The following DNAH10 variants were observed in gnomAD, a reference collection of about 807,000 sequenced individuals.
DNAH10 encodes the protein dynein axonemal heavy chain 10.
DNAH10 carries 348 observed loss-of-function variants against 506.6 expected under a neutral mutation model. That is an observed-to-expected ratio of 0.69 (90% CI 0.63 to 0.75). DNAH10 has a LOEUF of 0.75. DNAH10 is among the 30% of genes least tolerant of loss of function. The probability of loss-of-function intolerance (pLI) is 0.00; values close to 1 mark genes in which losing one functional copy is unlikely to be tolerated. For synonymous variants in DNAH10, 2,059 were observed against 2,198.6 expected (o/e 0.94, Z 1.78); for missense variants, 5,179 against 5,787.1 (o/e 0.89, Z 3.41).
In DNAH10 at chr12:123,813,346, A is replaced by G. The variant is rs933175800; in HGVS notation, c.3327A>G (p.Gln1109=). 4.3e-6 allele frequency: 7 copies of G among 1,614,146 alleles called. No homozygotes were observed. The highest frequency in any genetic ancestry group is 2.7e-5 in the African/African-American group (2 of 74,954). ...RILINLMKYL[Q]KWKRYRPLWK... Reference sequence around the variant, plus strand: ...TGATCAATCTTATGAAGTATCTACAAAAATGGAAGCGGTATCGACCTCTCT... The same window carrying G: ...TGATCAATCTTATGAAGTATCTACAGAAATGGAAGCGGTATCGACCTCTCT... The change falls in exon 20 of 79, where the codon CAA becomes CAG. Residue 1109 remains glutamine, a synonymous_variant. Transcript: ENST00000673944.
intron 34 of DNAH10, among the ~76,000 whole-genome samples, chr12:123,849,280 C>G (rs7961179): frequency 0.53 from 81,168 of 152,028 alleles, 22,272 homozygotes; most frequent in Non-Finnish European, 0.59. Flanking sequence ...TGCCTTCATA[C>G]CTTGTGAAGT....
intron 19 of DNAH10, among the ~76,000 whole-genome samples, chr12:123,811,728 C>A (rs1184465405): frequency 6.6e-6 from 1 of 152,116 alleles, no homozygotes; most frequent in Non-Finnish European, 1.5e-5. Context: ...TGGTCTCAAT[C>A]TCCTGACCTT....
chr12:123,786,011 T>C (rs1210788498), intron 9 of DNAH10, 75 bp downstream of exon 9: 7 of 1,428,776 alleles, frequency 4.9e-6, no homozygotes, highest in Non-Finnish European at 5.7e-6. Context: ...AACAGCTCTA[T>C]TGAGCTATAA....
At chr12:123,852,510 G>T (rs1951213763) in intron 35 of DNAH10, among the ~76,000 whole-genome samples, 1 of 151,996 alleles carries the variant, frequency 6.6e-6, no homozygotes, top group South Asian at 2.1e-4. Flanking sequence ...TTGCCTTAGA[G>T]ACCTGTGGGT....
intron 39 of DNAH10, among the ~76,000 whole-genome samples, chr12:123,862,027 G>A (rs1951631719): frequency 6.6e-6 from 1 of 152,184 alleles, no homozygotes; most frequent in South Asian, 2.1e-4. Context: ...GTCTCGGTTT[G>A]GGTTTGTCCG....
At position 123,785,728 on chromosome 12, in the gene DNAH10, C is replaced by T; in HGVS notation, c.1231-18C>T. 1 of 1,553,606 alleles carries T rather than the reference C, an allele frequency of 6.4e-7. No individual in the cohort carries two copies. Among genetic ancestry groups the T allele is most frequent in the Non-Finnish European group, 8.8e-7 (1 of 1,139,644 alleles). Reference sequence around the variant, plus strand: ...CAAGGCTAAGGGCTCTTGCGTGGCTCTCTCCTCTCTTGGTCAGAACATAAC... The same window carrying T: ...CAAGGCTAAGGGCTCTTGCGTGGCTTTCTCCTCTCTTGGTCAGAACATAAC... On this transcript the variant is annotated intron_variant, in intron 8 of 78. Transcript: ENST00000673944. This position sits in a 1 kb window ranked among gnomAD's most constrained non-coding sequence, Gnocchi z 4.1.
chr12:123,791,493 A>G (rs1594035708), intron 11 of DNAH10, among the ~76,000 whole-genome samples: 2 of 152,200 alleles, frequency 1.3e-5, no homozygotes, highest in African/African-American at 4.8e-5. Flanking sequence ...AGACATTGCC[A>G]TGTTAACTAT....
Position 123,913,018 on chromosome 12 carries a change from T to C in DNAH10, c.10135-80T>C, listed in dbSNP as rs897557273. 3.0e-6 allele frequency: 4 copies of C among 1,340,844 alleles called. No homozygotes were observed. Among genetic ancestry groups the C allele is most frequent in the African/African-American group, 1.5e-5 (1 of 68,362 alleles). The allele number at this position is 1,340,844 out of a possible 1,614,324, so 83.1% of individuals were successfully genotyped here. ...AGACACCATTAGAGCAGTTTAGACA[T>C]GTGGCCTGGTTTGAGGCCATGGGAT... is the stretch of plus-strand genomic sequence containing the variant. On this transcript the variant is annotated intron_variant, in intron 59 of 78. Coordinates refer to ENST00000673944, the MANE Select transcript of DNAH10 (RefSeq NM_001372106.1). This position sits in a 1 kb window ranked among gnomAD's most constrained non-coding sequence, Gnocchi z 5.1.
chr12:123,929,927 A>G (rs1955129977), intron 72 of DNAH10, 168 bp downstream of exon 72: 3 of 654,322 alleles, frequency 4.6e-6, no homozygotes, highest in Non-Finnish European at 7.8e-6. Context: ...CTTTGTCCTA[A>G]GTGAGCTCTG....
chr12:123,875,119 G>C, intron 46 of DNAH10, 112 bp from the exon 47 acceptor site: 1 of 1,246,998 alleles, frequency 8.0e-7, no homozygotes, highest in Non-Finnish European at 1.1e-6. Context: ...AAACCGAGGT[G>C]CCCTGGAGAG....
At chr12:123,770,189 A>G (rs934992936) in intron 2 of DNAH10, among the ~76,000 whole-genome samples, 1 of 152,058 alleles carries the variant, frequency 6.6e-6, no homozygotes, top group Non-Finnish European at 1.5e-5. Flanking sequence ...CGGAGGTTGC[A>G]GTGAGCCAAG....
chr12:123,845,969 A>G lies in DNAH10; in HGVS notation c.5631-2A>G. ...ACTTCCTCCACCTTTCTTGCCGTCCAGTATCCTGGAGGCCCGAGAGTTTGA... is the reference window on the plus strand; with the variant it reads ...ACTTCCTCCACCTTTCTTGCCGTCCGGTATCCTGGAGGCCCGAGAGTTTGA... On this transcript the variant is annotated splice_acceptor_variant, in intron 31 of 78. Coordinates refer to ENST00000673944, the MANE Select transcript of DNAH10 (RefSeq NM_001372106.1). LOFTEE classifies it high-confidence loss of function. The G allele has an allele frequency of 6.2e-7, 1 of 1,613,876 alleles. No individual in the cohort carries two copies. The highest frequency in any genetic ancestry group is 1.3e-5 in the African/African-American group (1 of 75,036).
At chr12:123,766,459 CAT>C (rs985682316) in intron 1 of DNAH10, among the ~76,000 whole-genome samples, 11 of 152,260 alleles carry the variant, frequency 7.2e-5, no homozygotes, top group South Asian at 2.1e-4. Context: ...CCCCCCACCA[CAT>C]GTTTTGGTTA....
intron 70 of DNAH10, 135 bp from the exon 71 acceptor site, chr12:123,929,139 GA>G: frequency 1.1e-6 from 1 of 883,770 alleles, no homozygotes; most frequent in East Asian, 2.6e-5. Flanking sequence ...CCCTGGACAA[GA>G]GACTTTAGCT....
At chr12:123,766,322 A>G (rs760443414) in intron 1 of DNAH10, among the ~76,000 whole-genome samples, 25 of 138,000 alleles carry the variant, frequency 1.8e-4, no homozygotes, top group Non-Finnish European at 9.0e-5. Context: ...CCTGCTTGTC[A>G]TCTATATCTG....
intron 1 of DNAH10, among the ~76,000 whole-genome samples, chr12:123,766,481 G>A (rs1265713149): frequency 6.6e-6 from 1 of 151,828 alleles, no homozygotes; most frequent in Non-Finnish European, 1.5e-5. Flanking sequence ...ATTTTTTCAT[G>A]CCAATTCCTA....
rs907857732 is a variant in DNAH10, at chr12:123,866,158, G to A, written c.7167+85G>A. ...ATAGTCCAGAGGGATGTTTGTAGTT[G>A]AAGGCGATGACTTTGTCCTTGACCT... On this transcript the variant is annotated intron_variant, in intron 41 of 78. Transcript: ENST00000673944. 88 of 1,135,184 alleles carry A rather than the reference G, an allele frequency of 7.8e-5. No individual in the cohort carries two copies. In the Middle Eastern group the frequency reaches 8.0e-4, roughly 10 times the overall value. 70.3% of individuals were successfully genotyped at this position (1,135,184 alleles called of 1,614,324 possible). A position where few individuals can be genotyped will look rare whatever the true frequency, so the allele number is the denominator to read the frequency against.
intron 71 of DNAH10, 79 bp downstream of exon 71, chr12:123,929,563 C>T: frequency 6.4e-7 from 1 of 1,571,344 alleles, no homozygotes; most frequent in Non-Finnish European, 8.7e-7. Context: ...GGTTCAACCA[C>T]AGCAGGGTTG....
Position 123,771,647 on chromosome 12 carries a change from CAG to C in DNAH10, c.350_351del (p.Glu117GlyfsTer2). On this transcript the variant is annotated frameshift_variant, in exon 3 of 79. Coordinates refer to ENST00000673944, the MANE Select transcript of DNAH10 (RefSeq NM_001372106.1). LOFTEE classifies it high-confidence loss of function. ...RTESLGQPLN[R>X]EDEEMDKEIS... ...CCGAATCTCTAGGCCAACCTCTAAA[CAG>C]AGAGGATGAAGAAATGGACAAAGAG... is the stretch of plus-strand genomic sequence containing the variant. 1 of 1,613,636 alleles carries C rather than the reference CAG, an allele frequency of 6.2e-7. No individual in the cohort carries two copies. The highest frequency in any genetic ancestry group is 1.1e-5 in the South Asian group (1 of 90,934).
Sources: gnomAD v4.1 joint callset for allele counts (sites outside exome capture counted in the v4.1 genomes callset) on GRCh38, gnomAD v4.1.1 for gene constraint, Gnocchi (gnomAD v3.1) non-coding constraint, MANE v1.5 for transcripts, NCBI Gene and HGNC (gene_info 2026-07-23, HGNC 2026-07-21) for gene names.